Variants in FAM204A observed in about 807,000 individuals in gnomAD.
The protein encoded by FAM204A is family with sequence similarity 204 member A.
A neutral mutation model predicts 35.4 loss-of-function variants in FAM204A; 16 were observed. The observed-to-expected ratio is 0.45, with a 90% confidence interval of 0.31 to 0.69. FAM204A has a LOEUF of 0.69. Among genes scored for constraint, FAM204A ranks in the 30% least tolerant of loss-of-function variants. The probability of loss-of-function intolerance (pLI) is 0.07; values close to 1 mark genes in which losing one functional copy is unlikely to be tolerated. For synonymous variants in FAM204A, 76 were observed against 86.9 expected (o/e 0.88, Z 0.70); for missense variants, 240 against 265.7 (o/e 0.90, Z 0.67).
chr10:118,311,493 G>A, intron 7 of FAM204A, 180 bp from the exon 8 acceptor site: 1 of 560,310 alleles, frequency 1.8e-6, no homozygotes, highest in South Asian at 2.5e-5. Context: ...TATCTCCCGT[G>A]ACTCCCAATA....
Position 118,299,391 on chromosome 10 carries a change from G to GTTTTTTTTTTTTTTTTGTTTTTT in FAM204A, c.*11465_*11466insAAAAAACAAAAAAAAAAAAAAAA, listed in dbSNP as rs1845783205. ...ACCTCCTCCTTTCTGCTTCCAGAAG[G>GTTTTTTTTTTTTTTTTGTTTTTT]TTTTTTTTTTTTTTTTTTTTTTGAG... On this transcript the variant is annotated 3_prime_UTR_variant, in exon 9 of 9. Coordinates refer to ENST00000369183, the MANE Select transcript of FAM204A (RefSeq NM_022063.3). 1 of 90,294 alleles carries GTTTTTTTTTTTTTTTTGTTTTTT rather than the reference G, an allele frequency of 1.1e-5. No individual in the cohort carries two copies. Among genetic ancestry groups the GTTTTTTTTTTTTTTTTGTTTTTT allele is most frequent in the Non-Finnish European group, 2.0e-5 (1 of 49,642 alleles). 5.6% of individuals were successfully genotyped at this position (90,294 alleles called of 1,614,324 possible).
chr10:118,335,053 G>A, intron 6 of FAM204A, 61 bp downstream of exon 6: 3 of 1,216,166 alleles, frequency 2.5e-6, no homozygotes, highest in South Asian at 1.3e-5. Flanking sequence ...AGTACTTTAG[G>A]CGAGGCTAAT....
At chr10:118,317,966 G>C (rs1439855186) in intron 7 of FAM204A, among the ~76,000 whole-genome samples, 2 of 152,008 alleles carry the variant, frequency 1.3e-5, no homozygotes, top group Non-Finnish European at 2.9e-5. Context: ...CCCAGAGGCA[G>C]AGTTCCCACA....
intron 7 of FAM204A, among the ~76,000 whole-genome samples, chr10:118,318,293 ACT>A (rs1846061418): frequency 6.6e-6 from 1 of 151,992 alleles, no homozygotes. Flanking sequence ...ACATTAGATG[ACT>A]CTGTATGAAA....
chr10:118,340,738 T>C (rs1846463768), intron 2 of FAM204A, among the ~76,000 whole-genome samples: 1 of 152,212 alleles, frequency 6.6e-6, no homozygotes, highest in Admixed American at 6.5e-5. Flanking sequence ...GCACATGGCA[T>C]ACAAACAGTG....
In FAM204A at chr10:118,335,192, G is replaced by A. The variant is rs145110570; in HGVS notation, c.375C>T (p.Thr125=). The change falls in exon 6 of 9, where the codon ACC becomes ACT. Residue 125 remains threonine (T), a synonymous_variant. Transcript: ENST00000369183. The stretch of plus-strand genomic sequence containing the variant: ...AATACTGAGTAAGCTCTTTCCACTG[G>A]GTTTCATTTGAGGACGGTTCACTAA... The part of the protein sequence containing the change: ...ELHSEPSSNE[T]QWKELTQYFG... 6.8e-6 allele frequency: 11 copies of A among 1,613,024 alleles called. No homozygotes were observed. Among genetic ancestry groups the A allele is most frequent in the Non-Finnish European group, 9.3e-6 (11 of 1,179,652 alleles).
chr10:118,330,042 G>A (rs1292539746), intron 6 of FAM204A, among the ~76,000 whole-genome samples: 2 of 151,846 alleles, frequency 1.3e-5, no homozygotes, highest in Non-Finnish European at 2.9e-5. Flanking sequence ...CTCCATCTTG[G>A]GCTCCCAGAG....
chr10:118,337,197 T>C lies in FAM204A; in HGVS notation c.-8-774A>G, dbSNP rs140988297. The C allele has an allele frequency of 4.0e-4, 387 of 975,028 alleles. 3 individuals carry two copies. In the African/African-American group the frequency reaches 6.1e-3, roughly 15 times the overall value. 60.4% of individuals were successfully genotyped at this position (975,028 alleles called of 1,614,324 possible). A position where few individuals can be genotyped will look rare whatever the true frequency, so the allele number is the denominator to read the frequency against. ...TTAAAATAGCAGAATTGTTATCATT[T>C]GCTAAAAGTATAATACTCAAGTACA... On this transcript the variant is annotated intron_variant, in intron 2 of 8. Transcript: ENST00000369183.
rs1845870364 is a variant in FAM204A, at chr10:118,306,739, T to C, written c.*4118A>G. The C allele has an allele frequency of 6.6e-6, 1 of 152,196 alleles. No individual in the cohort carries two copies. The highest frequency in any genetic ancestry group is 2.1e-4 in the South Asian group (1 of 4,836). 9.4% of individuals were successfully genotyped at this position (152,196 alleles called of 1,614,324 possible). A position where few individuals can be genotyped will look rare whatever the true frequency, so the allele number is the denominator to read the frequency against. On this transcript the variant is annotated 3_prime_UTR_variant, in exon 9 of 9. Coordinates refer to ENST00000369183, the MANE Select transcript of FAM204A (RefSeq NM_022063.3). ...GAGACAACACACCTCATTTTAACAG[T>C]AGCACAAAATGGTTCAATGCCTTTC... is the stretch of plus-strand genomic sequence containing the variant.
chr10:118,324,315 C>T lies in FAM204A; in HGVS notation c.543+1839G>A, dbSNP rs561261806. Among the ~76,000 whole-genome samples, 12 of 152,234 alleles carry T rather than the reference C, an allele frequency of 7.9e-5. No homozygotes were observed. In the South Asian group the frequency reaches 1.2e-3, roughly 16 times the overall value. On this transcript the variant is annotated intron_variant, in intron 7 of 8. Transcript: ENST00000369183. ...GTGATCTATCTAGCACTTTCACTTCCGGGTACATACCCAAAAGAACTGAAA... is the reference window on the plus strand; with the variant it reads ...GTGATCTATCTAGCACTTTCACTTCTGGGTACATACCCAAAAGAACTGAAA...
At chr10:118,313,987 A>T (rs1400649076) in intron 7 of FAM204A, among the ~76,000 whole-genome samples, 1 of 152,198 alleles carries the variant, frequency 6.6e-6, no homozygotes, top group Non-Finnish European at 1.5e-5. Context: ...TCGACATGTC[A>T]TGTACTCTAA....
At chr10:118,335,070 C>T in intron 6 of FAM204A, 44 bp downstream of exon 6, 1 of 1,407,104 alleles carries the variant, frequency 7.1e-7, no homozygotes, top group South Asian at 1.2e-5. Context: ...TAATCACAAA[C>T]ATATCCTACT....
At chr10:118,328,035 T>A (rs915190163) in intron 6 of FAM204A, among the ~76,000 whole-genome samples, 2 of 152,158 alleles carry the variant, frequency 1.3e-5, no homozygotes, top group Admixed American at 1.3e-4. Context: ...AATTTCTCCA[T>A]AAGGAAAGTA....
At chr10:118,311,046 A>T (rs1845944108) in intron 8 of FAM204A, 138 bp from the exon 9 acceptor site, 6 of 1,062,832 alleles carry the variant, frequency 5.6e-6, no homozygotes, top group Non-Finnish European at 6.9e-6. Flanking sequence ...AACATTAAAC[A>T]GGATGAAGAA....
chr10:118,337,877 A>G (rs1846413317), intron 2 of FAM204A, among the ~76,000 whole-genome samples: 1 of 152,138 alleles, frequency 6.6e-6, no homozygotes. Context: ...TTACATTTTT[A>G]TCATTTCTAT....
intron 8 of FAM204A, 133 bp from the exon 9 acceptor site, chr10:118,311,041 T>TA: frequency 9.3e-7 from 1 of 1,070,484 alleles, no homozygotes; most frequent in Non-Finnish European, 1.4e-6. Context: ...AAATAAACAT[T>TA]AAACAGGATG....
intron 7 of FAM204A, among the ~76,000 whole-genome samples, chr10:118,320,254 T>A (rs905257745): frequency 4.7e-5 from 7 of 149,520 alleles, no homozygotes; most frequent in African/African-American, 7.4e-5. Flanking sequence ...TAATAAAAAA[T>A]TAATTTATTA....
rs1431203335 is a variant in FAM204A at position 118,302,502 on chromosome 10, A to G, written c.*8355T>C. 6.6e-6 allele frequency: 1 copy of G among 152,238 alleles called. No homozygotes were observed. Among genetic ancestry groups the G allele is most frequent in the Non-Finnish European group, 1.5e-5 (1 of 68,046 alleles). 9.4% of individuals were successfully genotyped at this position (152,238 alleles called of 1,614,324 possible). On this transcript the variant is annotated 3_prime_UTR_variant, in exon 9 of 9. Transcript: ENST00000369183. ...CTGGTAATATATGAATTTCATAAAA[A>G]TGTTTTCCAAGGTGCACAGAAACAT...
chr10:118,340,991 T>C (rs1319028327), intron 2 of FAM204A, among the ~76,000 whole-genome samples: 1 of 152,236 alleles, frequency 6.6e-6, no homozygotes, highest in Non-Finnish European at 1.5e-5. Flanking sequence ...GATCTTAGCC[T>C]ATAATTACAG....
Sources: gnomAD v4.1 joint callset for allele counts (sites outside exome capture counted in the v4.1 genomes callset) on GRCh38, gnomAD v4.1.1 for gene constraint, MANE v1.5 for transcripts, NCBI Gene and HGNC (gene_info 2026-07-23, HGNC 2026-07-21) for gene names.